The following SLC1A1 variants were observed in gnomAD, a reference collection of about 807,000 sequenced individuals.
SLC1A1 encodes solute carrier family 1 member 1, also known as excitatory amino acid transporter 3.
A neutral mutation model predicts 53.3 loss-of-function variants in SLC1A1; 43 were observed. That is an observed-to-expected ratio of 0.81 (90% CI 0.63 to 1.04). The LOEUF is 1.04. Among genes scored for constraint, SLC1A1 ranks in the 50% least tolerant of loss-of-function variants. The pLI is 0.00. For synonymous variants in SLC1A1, 307 were observed against 243.2 expected (o/e 1.26, Z -2.44); for missense variants, 748 against 664.9 (o/e 1.12, Z -1.37).
intron 1 of SLC1A1, among the ~76,000 whole-genome samples, chr9:4,529,250 G>C (rs890496042): frequency 6.6e-6 from 1 of 152,118 alleles, no homozygotes; most frequent in Non-Finnish European, 1.5e-5. Context: ...CCTTAGCTTG[G>C]CGTATGGGAT....
chr9:4,574,602 T>C (rs1331944940), intron 8 of SLC1A1, among the ~76,000 whole-genome samples: 2 of 152,066 alleles, frequency 1.3e-5, no homozygotes, highest in Non-Finnish European at 2.9e-5. Flanking sequence ...CAGCAGGGGT[T>C]GGGTAGTTTC....
intron 6 of SLC1A1, among the ~76,000 whole-genome samples, chr9:4,571,986 G>T (rs1820100999): frequency 6.6e-6 from 1 of 152,150 alleles, no homozygotes; most frequent in South Asian, 2.1e-4. Flanking sequence ...CTTGTTGAAA[G>T]AAGAGAAAGC....
intron 1 of SLC1A1, among the ~76,000 whole-genome samples, chr9:4,499,050 C>CTTT (rs5896080): frequency 5.2e-5 from 7 of 135,042 alleles, no homozygotes; most frequent in African/African-American, 1.7e-4. Context: ...ATATATATAT[C>CTTT]TTTTTTTTTT....
In SLC1A1 at chr9:4,564,426, C is replaced by G. The variant is rs760174423; in HGVS notation, c.408C>G (p.Val136=). Residue 136 remains valine (V), a synonymous_variant, in exon 4 of 12, where the codon GTC becomes GTG. Transcript: ENST00000262352. ...EIARTGSTPE[V]STVDAMLDLI... The stretch of plus-strand genomic sequence containing the variant: ...CGAGGACAGGCAGCACCCCTGAAGT[C>G]AGTACGGTGGATGCCATGTTAGATC... 8.7e-6 allele frequency: 14 copies of G among 1,613,294 alleles called. No homozygotes were observed. The Admixed American group carries it at 1.3e-4, about 15-fold the overall frequency.
intron 1 of SLC1A1, among the ~76,000 whole-genome samples, chr9:4,524,675 A>G (rs1167384950): frequency 6.6e-6 from 1 of 152,184 alleles, no homozygotes; most frequent in Non-Finnish European, 1.5e-5. Context: ...TGATAGAGAA[A>G]GTCATCTCAT....
chr9:4,523,274 C>T (rs899309761), intron 1 of SLC1A1, among the ~76,000 whole-genome samples: 1 of 151,966 alleles, frequency 6.6e-6, no homozygotes, highest in Admixed American at 6.6e-5. Flanking sequence ...GGTCCTTGGA[C>T]ATAGTAAATA....
chr9:4,529,582 T>C (rs944238414), intron 1 of SLC1A1, among the ~76,000 whole-genome samples: 6 of 152,200 alleles, frequency 3.9e-5, no homozygotes, highest in Non-Finnish European at 7.3e-5. Flanking sequence ...ATAATATACC[T>C]ATGTATGAGT....
At chr9:4,512,083 A>C (rs62545871) in intron 1 of SLC1A1, among the ~76,000 whole-genome samples, 3 of 152,024 alleles carry the variant, frequency 2.0e-5, no homozygotes. Flanking sequence ...ATGGAGAGAC[A>C]TAAGTTGTTC....
At chr9:4,561,684 G>C in intron 3 of SLC1A1, 143 bp downstream of exon 3, 1 of 719,044 alleles carries the variant, frequency 1.4e-6, no homozygotes, top group South Asian at 1.4e-5. Context: ...TTGAGGTCAG[G>C]GGTTTGAGAC....
chr9:4,503,039 T>C (rs1203957969), intron 1 of SLC1A1, among the ~76,000 whole-genome samples: 1 of 151,872 alleles, frequency 6.6e-6, no homozygotes, highest in Admixed American at 6.6e-5. Flanking sequence ...TCCTTGAAGA[T>C]GGATTTAATT....
intron 1 of SLC1A1, among the ~76,000 whole-genome samples, chr9:4,491,948 T>C (rs1466510448): frequency 6.6e-6 from 1 of 152,178 alleles, no homozygotes; most frequent in Non-Finnish European, 1.5e-5. Flanking sequence ...GGATAGGGCA[T>C]GGAAATGGCC....
chr9:4,530,922 T>C (rs1244146504), intron 1 of SLC1A1, among the ~76,000 whole-genome samples: 1 of 152,232 alleles, frequency 6.6e-6, no homozygotes. Context: ...TGACATTTCA[T>C]GCTTGCCTCT....
rs200818823 is a variant in SLC1A1, at chr9:4,572,343, A to G, written c.722A>G (p.Asn241Ser). The G allele has an allele frequency of 1.2e-6, 2 of 1,614,198 alleles. No homozygotes were observed. Among genetic ancestry groups the G allele is most frequent in the East Asian group, 2.2e-5 (1 of 44,878 alleles). Residue 241 changes from asparagine (N) to serine (S), a missense_variant, in exon 7 of 12, where the codon AAT (asparagine) becomes AGT (serine). Asn to Ser is a conservative substitution (Grantham distance 46). Transcript: ENST00000262352. ...GGACAAATTCTGGTGGATTTCTTCA[A>G]TGCTTTGAGTGATGCAACCATGAAA... ...EKGQILVDFFNALSDATMKIV... is the reference protein window; with the variant it reads ...EKGQILVDFFSALSDATMKIV...
At chr9:4,513,644 C>A (rs566938643) in intron 1 of SLC1A1, among the ~76,000 whole-genome samples, 1 of 152,154 alleles carries the variant, frequency 6.6e-6, no homozygotes, top group Non-Finnish European at 1.5e-5. Flanking sequence ...CAATTTGGCA[C>A]TTTCTTATCA....
intron 1 of SLC1A1, among the ~76,000 whole-genome samples, chr9:4,542,129 A>C (rs1345277473): frequency 6.6e-6 from 1 of 151,884 alleles, no homozygotes; most frequent in East Asian, 1.9e-4. Flanking sequence ...CTAGATTGGT[A>C]TTTCTATTCT....
chr9:4,531,062 A>G (rs1375349379), intron 1 of SLC1A1, among the ~76,000 whole-genome samples: 1 of 152,194 alleles, frequency 6.6e-6, no homozygotes, highest in Non-Finnish European at 1.5e-5. Context: ...TTTTTAAAAG[A>G]TGAAGATTTG....
intron 6 of SLC1A1, among the ~76,000 whole-genome samples, chr9:4,571,610 GAGGTTGC>G (rs1820059328): frequency 6.6e-6 from 1 of 152,136 alleles, no homozygotes; most frequent in Admixed American, 6.5e-5. Flanking sequence ...CCGGGAGGTG[GAGGTTGC>G]AGTGAACTGA....
intron 1 of SLC1A1, among the ~76,000 whole-genome samples, chr9:4,534,512 C>A (rs931423899): frequency 6.6e-6 from 1 of 151,952 alleles, no homozygotes; most frequent in Non-Finnish European, 1.5e-5. Flanking sequence ...ACTAAACCAG[C>A]AAGAAGTTGA....
At chr9:4,495,246 C>T (rs1277667390) in intron 1 of SLC1A1, among the ~76,000 whole-genome samples, 1 of 152,190 alleles carries the variant, frequency 6.6e-6, no homozygotes, top group African/African-American at 2.4e-5. Context: ...CTGCATAGAA[C>T]CTTGGCTCAG....
Sources: allele counts gnomAD v4.1 joint callset (sites outside exome capture counted in the v4.1 genomes callset), GRCh38; gene constraint gnomAD v4.1.1; transcripts MANE v1.5; gene names NCBI Gene and HGNC (gene_info 2026-07-23, HGNC 2026-07-21).